SNX18: variants seen among roughly 807,000 people sequenced by gnomAD.
The protein encoded by SNX18 is sorting nexin 18.
SNX18 carries 35 observed loss-of-function variants against 48.7 expected under a neutral mutation model. That is an observed-to-expected ratio of 0.72 (90% confidence interval 0.55 to 0.95). The LOEUF (loss-of-function observed/expected upper bound fraction) is 0.95. Among genes scored for constraint, SNX18 ranks in the 40% least tolerant of loss-of-function variants. The pLI, the probability that SNX18 is intolerant of heterozygous loss-of-function variation, is 0.00. For missense variants in SNX18, 824 were observed against 871.0 expected (o/e 0.95, Z 0.68); for synonymous variants, 492 against 384.7 (o/e 1.28, Z -3.26).
At chr5:54,604,708 C>A in the SNX18 span, among the ~76,000 whole-genome samples, 1 of 152,072 alleles carries the variant, frequency 6.6e-6, no homozygotes, top group Non-Finnish European at 1.5e-5. Context: ...GGTTGTGCAA[C>A]ATTGTAAATA....
the SNX18 span, among the ~76,000 whole-genome samples, chr5:54,587,956 C>T: frequency 6.6e-6 from 1 of 152,144 alleles, no homozygotes; most frequent in East Asian, 1.9e-4. Flanking sequence ...AGGCCATCTG[C>T]CAGGTTGTGT....
chr5:54,574,381 A>C, the SNX18 span, among the ~76,000 whole-genome samples: 1 of 152,198 alleles, frequency 6.6e-6, no homozygotes, highest in Non-Finnish European at 1.5e-5. Context: ...TGGCCAAGTA[A>C]TCACAGTGCC....
chr5:54,553,478 A>G, the SNX18 span, among the ~76,000 whole-genome samples: 7 of 152,210 alleles, frequency 4.6e-5, no homozygotes, highest in Admixed American at 4.6e-4. Context: ...TCCACAGCAG[A>G]CAGCCACCTG....
chr5:54,563,082 A>C, the SNX18 span, among the ~76,000 whole-genome samples: 1 of 152,252 alleles, frequency 6.6e-6, no homozygotes, highest in South Asian at 2.1e-4. Flanking sequence ...TCTGTGTTTT[A>C]AGCTTAGTCT....
intron 1 of SNX18, among the ~76,000 whole-genome samples, chr5:54,523,319 A>G (rs1471260363): frequency 6.6e-6 from 1 of 152,208 alleles, no homozygotes; most frequent in Non-Finnish European, 1.5e-5. Flanking sequence ...GTTTCCAAAG[A>G]TATGATCAAT....
the SNX18 span, among the ~76,000 whole-genome samples, chr5:54,570,206 G>A: frequency 1.2e-4 from 18 of 152,186 alleles, no homozygotes; most frequent in African/African-American, 3.6e-4. Context: ...GAACATTAGA[G>A]TCACACATCT....
the SNX18 span, among the ~76,000 whole-genome samples, chr5:54,604,452 G>T: frequency 6.6e-6 from 1 of 152,116 alleles, no homozygotes; most frequent in Non-Finnish European, 1.5e-5. Context: ...ATGACATTTT[G>T]GTACATGTTA....
At chr5:54,601,085 CCT>C in the SNX18 span, among the ~76,000 whole-genome samples, 9 of 146,974 alleles carry the variant, frequency 6.1e-5, no homozygotes, top group Non-Finnish European at 1.3e-4. Context: ...TCCCGTCCTC[CCT>C]CTGTCTGTCC....
chr5:54,618,007 G>T, the SNX18 span, among the ~76,000 whole-genome samples: 1 of 152,162 alleles, frequency 6.6e-6, no homozygotes, highest in Non-Finnish European at 1.5e-5. Flanking sequence ...TAGTTTGGTT[G>T]TGTCCCCATC....
At chr5:54,617,159 C>T in the SNX18 span, among the ~76,000 whole-genome samples, 2 of 152,228 alleles carry the variant, frequency 1.3e-5, no homozygotes, top group Non-Finnish European at 2.9e-5. Context: ...TTCCAACTCT[C>T]AGTTAATTCA....
chr5:54,585,060 G>A, the SNX18 span, among the ~76,000 whole-genome samples: 2 of 152,188 alleles, frequency 1.3e-5, no homozygotes, highest in African/African-American at 2.4e-5. Flanking sequence ...GGGAGGCTGA[G>A]GCAGGAGGAT....
chr5:54,644,704 C>G, the SNX18 span: 8 of 152,238 alleles, frequency 5.3e-5, no homozygotes, highest in Non-Finnish European at 1.2e-4. Flanking sequence ...GTGTCCTCCT[C>G]TCTACTGACT....
chr5:54,596,501 G>T, the SNX18 span, among the ~76,000 whole-genome samples: 1 of 152,202 alleles, frequency 6.6e-6, no homozygotes, highest in Non-Finnish European at 1.5e-5. Context: ...AAGAAGGAAA[G>T]CACTCTTCTC....
chr5:54,603,411 A>G, the SNX18 span, among the ~76,000 whole-genome samples: 1 of 152,022 alleles, frequency 6.6e-6, no homozygotes, highest in Non-Finnish European at 1.5e-5. Flanking sequence ...GGCCTAAAGA[A>G]TTTTTAACCT....
chr5:54,623,372 G>A, the SNX18 span, among the ~76,000 whole-genome samples: 4 of 152,108 alleles, frequency 2.6e-5, no homozygotes, highest in East Asian at 3.9e-4. Context: ...GCCTTTTCAC[G>A]AGTGTCTTCA....
chr5:54,588,908 A>G, the SNX18 span, among the ~76,000 whole-genome samples: 1 of 152,210 alleles, frequency 6.6e-6, no homozygotes, highest in Admixed American at 6.5e-5. Context: ...AAAATTTACC[A>G]TGGTATCCTG....
chr5:54,593,461 T>G, the SNX18 span, among the ~76,000 whole-genome samples: 83 of 152,320 alleles, frequency 5.4e-4, no homozygotes, highest in African/African-American at 1.9e-3. Context: ...TGTTAAGACA[T>G]TAATTATCCA....
At chr5:54,592,466 A>G in the SNX18 span, among the ~76,000 whole-genome samples, 1 of 152,226 alleles carries the variant, frequency 6.6e-6, no homozygotes, top group Non-Finnish European at 1.5e-5. Context: ...CTAATTCTCA[A>G]TGGTTGCCTG....
the SNX18 span, among the ~76,000 whole-genome samples, chr5:54,589,605 G>A: frequency 2.0e-5 from 3 of 152,218 alleles, no homozygotes; most frequent in East Asian, 1.9e-4. Context: ...TTTAACCTTC[G>A]GCAAGCACCT....
Sources: allele counts gnomAD v4.1 joint callset (sites outside exome capture counted in the v4.1 genomes callset), GRCh38; gene constraint gnomAD v4.1.1; transcripts MANE v1.5; gene names NCBI Gene and HGNC (gene_info 2026-07-23, HGNC 2026-07-21).